IPO7: variants seen among roughly 807,000 people sequenced by gnomAD.
IPO7 encodes the protein importin-7.
IPO7 carries 13 observed loss-of-function variants against 136.4 expected under a neutral mutation model. The observed-to-expected ratio is 0.10, with a 90% confidence interval of 0.06 to 0.15. The LOEUF (loss-of-function observed/expected upper bound fraction) is 0.15, where lower values mean the gene tolerates loss of function less well. IPO7 is among the 10% of genes least tolerant of loss of function. IPO7 has a pLI of 1.00. For synonymous variants in IPO7, 403 were observed against 404.4 expected (o/e 1.00, Z 0.04); for missense variants, 857 against 1,240.6 (o/e 0.69, Z 4.65).
chr11:9,418,664 A>T (rs978103829), intron 6 of IPO7, among the ~76,000 whole-genome samples: 5 of 152,182 alleles, frequency 3.3e-5, no homozygotes, highest in African/African-American at 1.2e-4. Flanking sequence ...TATAACTTTT[A>T]AAGTTCTCAT....
intron 4 of IPO7, among the ~76,000 whole-genome samples, chr11:9,413,221 T>C (rs1564996725): frequency 6.6e-6 from 1 of 151,912 alleles, no homozygotes; most frequent in East Asian, 1.9e-4. Context: ...TTTTTGAGAT[T>C]GAGTCTCTCT....
At chr11:9,386,028 G>A (rs1284019055) in intron 1 of IPO7, among the ~76,000 whole-genome samples, 1 of 151,976 alleles carries the variant, frequency 6.6e-6, no homozygotes, top group African/African-American at 2.4e-5. Flanking sequence ...TCTTTTAGCT[G>A]GTAAGTAAAT....
intron 1 of IPO7, among the ~76,000 whole-genome samples, chr11:9,395,264 A>G (rs1383250861): frequency 6.6e-6 from 1 of 151,838 alleles, no homozygotes; most frequent in Non-Finnish European, 1.5e-5. Flanking sequence ...ATTTTTTGAG[A>G]TGGAGTTTCA....
chr11:9,402,142 C>T (rs1365444935), intron 1 of IPO7, among the ~76,000 whole-genome samples: 3 of 152,130 alleles, frequency 2.0e-5, no homozygotes, highest in African/African-American at 7.2e-5. Flanking sequence ...TGCCTCGTGC[C>T]TGTAATCCCA....
intron 2 of IPO7, among the ~76,000 whole-genome samples, chr11:9,406,426 C>A (rs987355095): frequency 2.6e-5 from 4 of 151,820 alleles, no homozygotes; most frequent in Non-Finnish European, 5.9e-5. Context: ...AAGTGTTTGA[C>A]CTTTAGGAGT....
intron 3 of IPO7, among the ~76,000 whole-genome samples, chr11:9,409,072 A>G (rs1854930917): frequency 6.7e-6 from 1 of 150,280 alleles, no homozygotes; most frequent in Non-Finnish European, 1.5e-5. Flanking sequence ...TGTAGCAGAA[A>G]ACTTACCCAA....
chr11:9,433,474 A>G, intron 16 of IPO7, 96 bp from the exon 17 acceptor site: 1 of 763,700 alleles, frequency 1.3e-6, no homozygotes, highest in Non-Finnish European at 2.2e-6. Context: ...CACAATATTG[A>G]CTTTATATTT....
chr11:9,398,704 A>G (rs904020700), intron 1 of IPO7, among the ~76,000 whole-genome samples: 3 of 152,246 alleles, frequency 2.0e-5, no homozygotes, highest in African/African-American at 7.2e-5. Flanking sequence ...TAGCATATTC[A>G]TCTCAAATGT....
chr11:9,441,945 A>G (rs1219963574), intron 23 of IPO7, 136 bp from the exon 24 acceptor site: 2 of 498,926 alleles, frequency 4.0e-6, no homozygotes, highest in Non-Finnish European at 7.3e-6. Context: ...TGGTAATTTT[A>G]AAAATTATTG....
In IPO7 at chr11:9,448,110, CTT is replaced by C. The variant is rs920842514; in HGVS notation, c.*2917_*2918del. On this transcript the variant is annotated 3_prime_UTR_variant, in exon 25 of 25. Transcript: ENST00000379719. ...TAGTCTCTGTTTGTAAAATAAATGACTTAAATTTAAAACATCAGTTATAAAAC... is the reference window on the plus strand; with the variant it reads ...TAGTCTCTGTTTGTAAAATAAATGACAAATTTAAAACATCAGTTATAAAAC... 20 of 152,322 alleles carry C rather than the reference CTT, an allele frequency of 1.3e-4. No individual in the cohort carries two copies. The highest frequency in any genetic ancestry group is 4.8e-4 in the African/African-American group (20 of 41,582). 9.4% of individuals were successfully genotyped at this position (152,322 alleles called of 1,614,324 possible). A position where few individuals can be genotyped will look rare whatever the true frequency, so the allele number is the denominator to read the frequency against.
Position 9,442,235 on chromosome 11 carries a change from C to G in IPO7, c.3019+38C>G, listed in dbSNP as rs200028308. 4.7e-5 allele frequency: 41 copies of G among 879,702 alleles called. No individual in the cohort carries two copies. In the East Asian group the frequency reaches 1.0e-3, roughly 22 times the overall value. The allele number at this position is 879,702 out of a possible 1,614,324, so 54.5% of individuals were successfully genotyped here. On this transcript the variant is annotated intron_variant, in intron 24 of 24. Transcript: ENST00000379719. The stretch of plus-strand genomic sequence containing the variant: ...ACTGTAACTCCTCTTTAATTAGTGA[C>G]TTTTATAGGTTTAAAATTTTATATC...
intron 2 of IPO7, among the ~76,000 whole-genome samples, chr11:9,405,465 G>A (rs1854869359): frequency 6.6e-6 from 1 of 150,436 alleles, no homozygotes; most frequent in Non-Finnish European, 1.5e-5. Context: ...GTGAGCCACC[G>A]CCCCCGGCCC....
intron 20 of IPO7, among the ~76,000 whole-genome samples, chr11:9,436,866 ATATTTTT>A (rs1365129905): frequency 3.4e-4 from 5 of 14,516 alleles, no homozygotes; most frequent in Non-Finnish European, 4.8e-4. Flanking sequence ...ATATATATAT[ATATTTTT>A]TTTTTTTTTT....
chr11:9,395,471 C>A (rs1854695040), intron 1 of IPO7, among the ~76,000 whole-genome samples: 1 of 152,036 alleles, frequency 6.6e-6, no homozygotes, highest in Non-Finnish European at 1.5e-5. Flanking sequence ...GAACTCCTGA[C>A]TTTGTGATCT....
At chr11:9,440,162 A>C (rs1040340049) in intron 22 of IPO7, among the ~76,000 whole-genome samples, 2 of 152,098 alleles carry the variant, frequency 1.3e-5, no homozygotes, top group African/African-American at 4.8e-5. Context: ...CCAGCCTTTT[A>C]AAAAAAATCT....
intron 1 of IPO7, among the ~76,000 whole-genome samples, chr11:9,391,912 G>A (rs372587271): frequency 1.1e-4 from 17 of 151,972 alleles, no homozygotes; most frequent in East Asian, 9.7e-4. Context: ...GACTACAGGC[G>A]TGCACCACCA....
chr11:9,408,564 C>T lies in IPO7; in HGVS notation c.245C>T (p.Thr82Ile). ...ETAPGDISPY[T>I]IPEEDRHCIR... ...GCACCAGGGGATATATCCCCTTATACTATTCCAGAAGAAGATCGCCATTGT... is the reference window on the plus strand; with the variant it reads ...GCACCAGGGGATATATCCCCTTATATTATTCCAGAAGAAGATCGCCATTGT... Residue 82 changes from threonine to isoleucine, a missense_variant, in exon 3 of 25, where the codon ACT (threonine) becomes ATT (isoleucine). Physicochemically the swap from Thr to Ile is moderately conservative, Grantham distance 89. This residue lies in a region of IPO7 where 287 missense variants were observed against 307.5 expected (regional missense o/e 0.93). Coordinates refer to ENST00000379719, the MANE Select transcript of IPO7 (RefSeq NM_006391.3). 6.2e-7 allele frequency: 1 copy of T among 1,610,322 alleles called. No homozygotes were observed. The highest frequency in any genetic ancestry group is 1.7e-4 in the Middle Eastern group (1 of 6,044).
In IPO7 at chr11:9,411,181, A is replaced by T. The variant is rs537983774; in HGVS notation, c.479+1095A>T. ...CCTCCTGTCCCATAATCTTAGCAGG[A>T]GGGAATATGACAGGGATTTTTAAGT... On this transcript the variant is annotated intron_variant, in intron 4 of 24. Transcript: ENST00000379719. 3.3e-5 allele frequency among the ~76,000 whole-genome samples: 5 copies of T among 152,280 alleles called. No homozygotes were observed. The East Asian group carries it at 9.6e-4, about 29-fold the overall frequency.
Position 9,433,942 on chromosome 11 carries a change from AG to A in IPO7, c.2074+97del. ...CATACACTTTTTTTTTTTTTTTTTG[AG>A]TCGGAATTTTGCTCTTGTTGCCCAG... On this transcript the variant is annotated intron_variant, in intron 18 of 24. Transcript: ENST00000379719. 4.3e-6 allele frequency: 4 copies of A among 926,328 alleles called. No homozygotes were observed. In the South Asian group the frequency reaches 6.7e-5, roughly 15 times the overall value. 57.4% of individuals were successfully genotyped at this position (926,328 alleles called of 1,614,324 possible). A position where few individuals can be genotyped will look rare whatever the true frequency, so the allele number is the denominator to read the frequency against.
Sources: gnomAD v4.1 joint callset for allele counts (sites outside exome capture counted in the v4.1 genomes callset) on GRCh38, gnomAD v4.1.1 for gene constraint, gnomAD v4.1.1 regional missense constraint, MANE v1.5 for transcripts, NCBI Gene and HGNC (gene_info 2026-07-23, HGNC 2026-07-21) for gene names.